Variants in ITFG2 observed in about 807,000 individuals in gnomAD.
The protein encoded by ITFG2 is integrin alpha FG-GAP repeat containing 2, also known as KICSTOR complex protein ITFG2.
ITFG2 carries 36 observed loss-of-function variants against 54.4 expected under a neutral mutation model. The observed-to-expected ratio is 0.66, with a 90% CI of 0.51 to 0.87. The LOEUF (loss-of-function observed/expected upper bound fraction) is 0.87. ITFG2 is among the 40% of genes least tolerant of loss of function. The pLI, the probability that ITFG2 is intolerant of heterozygous loss-of-function variation, is 0.00. For synonymous variants in ITFG2, 211 were observed against 225.4 expected, an observed-to-expected ratio of 0.94 and a Z score of 0.57; for missense variants, 524 against 576.7, an observed-to-expected ratio of 0.91 and a Z score of 0.94.
chr12:2,818,429 G>A (rs1295746521), intron 4 of ITFG2, 152 bp downstream of exon 4: 1 of 1,466,598 alleles, frequency 6.8e-7, no homozygotes, highest in East Asian at 2.5e-5. Context: ...CATCACTCAA[G>A]GCACTGGAAT....
chr12:2,844,064 G>A (rs1307649412), intron 2 of ITFG2, among the ~76,000 whole-genome samples: 4 of 146,568 alleles, frequency 2.7e-5, no homozygotes, highest in Non-Finnish European at 5.9e-5. Flanking sequence ...GTTCAGCCTG[G>A]GCAAGCATGG....
upstream of ITFG2, chr12:2,834,882 C>G: frequency 6.2e-7 from 1 of 1,613,836 alleles, no homozygotes; most frequent in Non-Finnish European, 8.5e-7. Context: ...GGGGCGTCAC[C>G]GAGTCCTCTC....
At chr12:2,834,697 G>A (rs763196291), upstream of ITFG2, 10 of 1,613,868 alleles carry the variant, frequency 6.2e-6, no homozygotes, top group East Asian at 2.2e-5. Context: ...CAGGTCGGCC[G>A]AGTCCTTGTG....
rs1310543118 is a variant in ITFG2 at position 2,812,739 on chromosome 12, T to A, written c.-22T>A. ...GGGAATATTTACTGGGCCTCTCCGC[T>A]CCCTCTGCTCTTGGAGGTGCCATGA... is the stretch of plus-strand genomic sequence containing the variant. On this transcript the variant is annotated 5_prime_UTR_variant, in exon 1 of 12. Coordinates refer to ENST00000228799, the MANE Select transcript of ITFG2 (RefSeq NM_018463.4). The A allele has an allele frequency of 6.3e-7, 1 of 1,587,258 alleles. No individual in the cohort carries two copies. The highest frequency in any genetic ancestry group is 8.6e-7 in the Non-Finnish European group (1 of 1,157,226).
chr12:2,858,635 G>A (rs775886466), intron 3 of ITFG2: 1 of 1,612,576 alleles, frequency 6.2e-7, no homozygotes, highest in Non-Finnish European at 8.5e-7. Context: ...CAAGGGCAGG[G>A]CTCTACTGTA....
At chr12:2,839,613 C>T (rs781719794) in intron 1 of ITFG2, among the ~76,000 whole-genome samples, 13 of 152,086 alleles carry the variant, frequency 8.5e-5, no homozygotes, top group Non-Finnish European at 1.5e-4. Context: ...ATGTACTGGA[C>T]GCTGAGCTAG....
chr12:2,820,904 G>C, intron 6 of ITFG2, 32 bp downstream of exon 6: 1 of 1,608,790 alleles, frequency 6.2e-7, no homozygotes, highest in Non-Finnish European at 8.5e-7. Context: ...GATGGTGTGG[G>C]GGTGCATGGA....
intron 2 of ITFG2, among the ~76,000 whole-genome samples, chr12:2,847,833 TTCAC>T (rs2098057758): frequency 6.6e-6 from 1 of 152,212 alleles, no homozygotes; most frequent in Non-Finnish European, 1.5e-5. Context: ...TCTGGCTTCT[TTCAC>T]TCAGCATGAT....
At position 2,822,849 on chromosome 12, in the gene ITFG2, T is replaced by A; in HGVS notation, c.1004T>A (p.Ile335Asn). ...ACAWDGQTYI[I>N]DHNRTVVRFQ... ...GCCTGGGATGGACAGACATATATCATTGATCACAACCGCACCGTCGTCCGC... is the reference window on the plus strand; with the variant it reads ...GCCTGGGATGGACAGACATATATCAATGATCACAACCGCACCGTCGTCCGC... The change falls in exon 10 of 12, where the codon ATT becomes AAT. Residue 335 changes from isoleucine to asparagine, a missense_variant. By Grantham distance (149) the Ile-to-Asn change is moderately radical (BLOSUM62 -3). Transcript: ENST00000228799. 6.2e-7 allele frequency: 1 copy of A among 1,614,184 alleles called. No homozygotes were observed. The highest frequency in any genetic ancestry group is 1.1e-5 in the South Asian group (1 of 91,084).
chr12:2,836,587 T>C (rs2098028366), upstream of ITFG2, among the ~76,000 whole-genome samples: 1 of 152,234 alleles, frequency 6.6e-6, no homozygotes, highest in African/African-American at 2.4e-5. Flanking sequence ...GAAAGTGTTA[T>C]GGGTTGAATT....
At chr12:2,835,044 G>A (rs1279161682), upstream of ITFG2, 23 of 1,463,172 alleles carry the variant, frequency 1.6e-5, no homozygotes, top group East Asian at 2.4e-5. Context: ...GTGAGACTCC[G>A]GCTGGAAAAA....
At chr12:2,835,030 G>A, upstream of ITFG2, 1 of 1,491,190 alleles carries the variant, frequency 6.7e-7, no homozygotes, top group Non-Finnish European at 8.9e-7. Context: ...TTGCTGTAGA[G>A]GGAGTGAGAC....
chr12:2,844,356 C>T (rs2098048477), intron 2 of ITFG2, among the ~76,000 whole-genome samples: 1 of 152,140 alleles, frequency 6.6e-6, no homozygotes, highest in Admixed American at 6.5e-5. Flanking sequence ...GAGTTCGACA[C>T]CAGCCTGTCC....
chr12:2,834,000 G>C (rs933815725), upstream of ITFG2, among the ~76,000 whole-genome samples: 3 of 152,142 alleles, frequency 2.0e-5, no homozygotes, highest in African/African-American at 7.2e-5. Flanking sequence ...GTTTTCCGCC[G>C]CCCACTCACA....
intron 1 of ITFG2, among the ~76,000 whole-genome samples, chr12:2,816,836 T>G (rs1445447058): frequency 6.7e-6 from 1 of 150,316 alleles, no homozygotes; most frequent in African/African-American, 2.5e-5. Flanking sequence ...GAGACAAGGT[T>G]TCACCATGTT....
intron 2 of ITFG2, among the ~76,000 whole-genome samples, chr12:2,842,568 G>A (rs181387395): frequency 5.9e-4 from 90 of 152,006 alleles, no homozygotes; most frequent in African/African-American, 1.8e-3. Flanking sequence ...AGAGCTCGTC[G>A]CTACAAAAAA....
Position 2,817,559 on chromosome 12 carries a change from C to G in ITFG2, c.192+241C>G. 9.3e-6 allele frequency: 5 copies of G among 539,286 alleles called. No individual in the cohort carries two copies. The South Asian group carries it at 1.4e-4, about 15-fold the overall frequency. 33.4% of individuals were successfully genotyped at this position (539,286 alleles called of 1,614,324 possible). On this transcript the variant is annotated intron_variant, in intron 2 of 11. Transcript: ENST00000228799. Reference sequence around the variant, plus strand: ...TTGTGTCGTGGAGTACTCCTTGACACTTTATGGAAGTTGCCTAAGGTTGTC... The same window carrying G: ...TTGTGTCGTGGAGTACTCCTTGACAGTTTATGGAAGTTGCCTAAGGTTGTC...
At chr12:2,859,346 C>T (rs143720457) in intron 3 of ITFG2, 28 of 1,613,524 alleles carry the variant, frequency 1.7e-5, no homozygotes, top group African/African-American at 2.7e-5. Flanking sequence ...CAAGCATTTC[C>T]GAGACACACC....
At chr12:2,852,053 T>G (rs2098072775) in intron 2 of ITFG2, among the ~76,000 whole-genome samples, 1 of 152,232 alleles carries the variant, frequency 6.6e-6, no homozygotes, top group Non-Finnish European at 1.5e-5. Flanking sequence ...GGCAGGAGTT[T>G]TTTTTTTAGC....
Sources: gnomAD v4.1 joint callset for allele counts (sites outside exome capture counted in the v4.1 genomes callset) on GRCh38, gnomAD v4.1.1 for gene constraint, MANE v1.5 for transcripts, NCBI Gene and HGNC (gene_info 2026-07-23, HGNC 2026-07-21) for gene names.